TET2: variants seen among roughly 807,000 people sequenced by gnomAD.
TET2 encodes tet methylcytosine dioxygenase 2, also known as methylcytosine dioxygenase TET2.
In TET2, 299 loss-of-function variants were observed where a neutral mutation model predicts 142.9. The observed-to-expected ratio is 2.09, with a 90% CI of 1.90 to 2.30. The LOEUF is 2.30. TET2 is among the 30% of genes most tolerant of loss of function. The pLI, the probability that TET2 is intolerant of heterozygous loss-of-function variation, is 0.00. For synonymous variants in TET2, 819 were observed against 849.0 expected, an observed-to-expected ratio of 0.96 and a Z score of 0.61; for missense variants, 2,418 against 2,378.0, an observed-to-expected ratio of 1.02 and a Z score of -0.35.
Position 105,235,506 on chromosome 4 carries a change from A to T in TET2, c.1564A>T (p.Ser522Cys). Residue 522 changes from serine (S) to cysteine (C), a missense_variant, in exon 3 of 11, where the codon AGT (serine) becomes TGT (cysteine). Physicochemically the swap from Ser to Cys is moderately radical, Grantham distance 112. Transcript: ENST00000380013. ...LKHNPPIFGS[S>C]GELQDNCQQL... ...GCATAACCCACCAATTTTTGGTAGC[A>T]GTGGAGAGCTACAGGACAACTGCCA... The T allele has an allele frequency of 6.2e-7, 1 of 1,614,206 alleles. No individual in the cohort carries two copies. The highest frequency in any genetic ancestry group is 8.5e-7 in the Non-Finnish European group (1 of 1,180,024).
At chr4:105,155,089 AAAT>A (rs1450915225) in intron 1 of TET2, among the ~76,000 whole-genome samples, 5 of 152,222 alleles carry the variant, frequency 3.3e-5, no homozygotes, top group Admixed American at 6.5e-5. Flanking sequence ...TTTAATCTAG[AAAT>A]AATAACAAAT....
At chr4:105,259,324 G>A (rs1730300032) in intron 6 of TET2, among the ~76,000 whole-genome samples, 2 of 152,138 alleles carry the variant, frequency 1.3e-5, no homozygotes, top group African/African-American at 2.4e-5. Context: ...GCAAAATGAG[G>A]GGAAATTCCA....
chr4:105,155,461 C>A (rs1723518941), intron 1 of TET2, among the ~76,000 whole-genome samples: 1 of 152,204 alleles, frequency 6.6e-6, no homozygotes, highest in African/African-American at 2.4e-5. Flanking sequence ...CTTCTACAAA[C>A]CACTTACAGG....
At chr4:105,209,536 T>C (rs895939830) in intron 2 of TET2, among the ~76,000 whole-genome samples, 4 of 152,092 alleles carry the variant, frequency 2.6e-5, no homozygotes, top group African/African-American at 9.7e-5. Context: ...AACAACTTTC[T>C]TTTAACTAAA....
chr4:105,185,560 C>T (rs1010626181), intron 1 of TET2, among the ~76,000 whole-genome samples: 5 of 152,072 alleles, frequency 3.3e-5, no homozygotes, highest in African/African-American at 7.2e-5. Context: ...GTATGCGGAT[C>T]ACGAGGTCAG....
intron 1 of TET2, among the ~76,000 whole-genome samples, chr4:105,177,331 A>C (rs1011777826): frequency 6.6e-6 from 1 of 152,232 alleles, no homozygotes; most frequent in Non-Finnish European, 1.5e-5. Flanking sequence ...ATATTAAGAG[A>C]ATGAGAAGAC....
At chr4:105,182,236 G>A (rs1725161323) in intron 1 of TET2, among the ~76,000 whole-genome samples, 1 of 152,192 alleles carries the variant, frequency 6.6e-6, no homozygotes, top group African/African-American at 2.4e-5. Context: ...GCACATGAGT[G>A]TGGCTGTGCT....
intron 1 of TET2, among the ~76,000 whole-genome samples, chr4:105,189,273 T>C (rs979655196): frequency 1.3e-5 from 2 of 152,170 alleles, no homozygotes; most frequent in Non-Finnish European, 2.9e-5. Flanking sequence ...GCATCTAGCA[T>C]AGTGTCTGGC....
chr4:105,198,248 A>G (rs929469928), intron 2 of TET2, among the ~76,000 whole-genome samples: 9 of 152,144 alleles, frequency 5.9e-5, no homozygotes, highest in African/African-American at 1.9e-4. Context: ...AGGCAGGGGA[A>G]TCGCTTGAAC....
intron 1 of TET2, chr4:105,147,626 G>A (rs182044362): frequency 1.3e-5 from 2 of 152,246 alleles, no homozygotes; most frequent in South Asian, 2.1e-4. Flanking sequence ...GAGTGAAAGA[G>A]GAAAGAATAG....
chr4:105,244,573 G>C (rs1729479985), intron 6 of TET2, among the ~76,000 whole-genome samples: 1 of 140,436 alleles, frequency 7.1e-6, no homozygotes, highest in African/African-American at 2.6e-5. Flanking sequence ...TGTTCACGGT[G>C]CTACACAGAA....
rs1201627085 is a variant in TET2, at chr4:105,276,653, A to C, written c.*134A>C. On this transcript the variant is annotated 3_prime_UTR_variant, in exon 11 of 11. Coordinates refer to ENST00000380013, the MANE Select transcript of TET2 (RefSeq NM_001127208.3). ...AATGTGGTGGGAAAAACCTCAGCTC[A>C]CCAGCAACAAAAGAGGTTATCTTAC... 8 of 1,030,468 alleles carry C rather than the reference A, an allele frequency of 7.8e-6. No individual in the cohort carries two copies. In the East Asian group the frequency reaches 1.1e-4, roughly 14 times the overall value. The allele number at this position is 1,030,468 out of a possible 1,614,324, so 63.8% of individuals were successfully genotyped here.
chr4:105,159,534 C>T (rs914314117), intron 1 of TET2, among the ~76,000 whole-genome samples: 6 of 152,094 alleles, frequency 3.9e-5, no homozygotes, highest in African/African-American at 1.4e-4. Flanking sequence ...GGATTACAGG[C>T]TTGAGCCACC....
At chr4:105,209,641 G>GA (rs11453293) in intron 2 of TET2, among the ~76,000 whole-genome samples, 14,024 of 152,044 alleles carry the variant, frequency 0.092, 1,825 homozygotes, top group African/African-American at 0.29. Context: ...TTTCTGAATG[G>GA]GCTAAAATAC....
At position 105,276,655 on chromosome 4, in the gene TET2, C is replaced by T. The variant is rs888666134; in HGVS notation, c.*136C>T. 83 of 1,024,004 alleles carry T rather than the reference C, an allele frequency of 8.1e-5. No individual in the cohort carries two copies. The highest frequency in any genetic ancestry group is 1.5e-4 in the South Asian group (8 of 54,868). The allele number at this position is 1,024,004 out of a possible 1,614,324, so 63.4% of individuals were successfully genotyped here. A position where few individuals can be genotyped will look rare whatever the true frequency, so the allele number is the denominator to read the frequency against. ...TGTGGTGGGAAAAACCTCAGCTCAC[C>T]AGCAACAAAAGAGGTTATCTTACCA... On this transcript the variant is annotated 3_prime_UTR_variant, in exon 11 of 11. Coordinates refer to ENST00000380013, the MANE Select transcript of TET2 (RefSeq NM_001127208.3).
At chr4:105,237,562 G>T (rs1729030331) in intron 3 of TET2, 4 of 1,511,894 alleles carry the variant, frequency 2.6e-6, no homozygotes, top group Non-Finnish European at 3.5e-6. Flanking sequence ...TTTTCCAAAA[G>T]AATTAAATAA....
chr4:105,159,239 C>A (rs1030138088), intron 1 of TET2, among the ~76,000 whole-genome samples: 2 of 148,246 alleles, frequency 1.3e-5, no homozygotes, highest in African/African-American at 2.5e-5. Context: ...TAATCTTTTT[C>A]TTTCTTTCTT....
At chr4:105,240,796 A>C in intron 3 of TET2, 2 of 1,079,664 alleles carry the variant, frequency 1.9e-6, no homozygotes, top group Non-Finnish European at 1.1e-6. Flanking sequence ...TCTAAAGTAC[A>C]TACTAATATG....
chr4:105,264,929 T>C (rs959438068), intron 8 of TET2, among the ~76,000 whole-genome samples: 13 of 152,198 alleles, frequency 8.5e-5, no homozygotes, highest in African/African-American at 3.1e-4. Context: ...TGAAGTCTTA[T>C]TGCTAAAGTT....
Sources: gnomAD v4.1 joint callset for allele counts (sites outside exome capture counted in the v4.1 genomes callset) on GRCh38, gnomAD v4.1.1 for gene constraint, MANE v1.5 for transcripts, NCBI Gene and HGNC (gene_info 2026-07-23, HGNC 2026-07-21) for gene names.